Variants in GRID2 observed in about 807,000 individuals in gnomAD.
The protein encoded by GRID2 is glutamate ionotropic receptor delta type subunit 2, also known as glutamate receptor ionotropic, delta-2.
A neutral mutation model predicts 114.8 loss-of-function variants in GRID2; 33 were observed. The observed-to-expected ratio is 0.29, with a 90% confidence interval of 0.22 to 0.38. The LOEUF (loss-of-function observed/expected upper bound fraction) is 0.38. GRID2 is among the 10% of genes least tolerant of loss of function. GRID2 has a pLI of 1.00. For missense variants in GRID2, 1,184 were observed against 1,257.7 expected (o/e 0.94, Z 0.89); for synonymous variants, 505 against 449.9 (o/e 1.12, Z -1.55).
chr4:92,619,628 G>A (rs1730172027), intron 2 of GRID2, among the ~76,000 whole-genome samples: 1 of 151,592 alleles, frequency 6.6e-6, no homozygotes, highest in Admixed American at 6.6e-5. Context: ...ACCCCGGCAT[G>A]GAAGCTGTTG....
rs138239230 is a variant in GRID2 at position 93,632,551 on chromosome 4, G to A, written c.2360+6116G>A. On this transcript the variant is annotated intron_variant, in intron 14 of 15. Coordinates refer to ENST00000282020, the MANE Select transcript of GRID2 (RefSeq NM_001510.4). Reference sequence around the variant, plus strand: ...TAGATGTGTGGTATTATTTCTGAGCGCTCTGTTCTGTTCCATTGGTCTATA... The same window carrying A: ...TAGATGTGTGGTATTATTTCTGAGCACTCTGTTCTGTTCCATTGGTCTATA... Among the ~76,000 whole-genome samples, 1,161 of 152,146 alleles carry A rather than the reference G, an allele frequency of 7.6e-3. 18 individuals carry two copies. The highest frequency in any genetic ancestry group is 0.026 in the African/African-American group (1,093 of 41,536).
intron 1 of GRID2, among the ~76,000 whole-genome samples, chr4:92,574,305 T>C (rs1727777664): frequency 6.6e-6 from 1 of 152,140 alleles, no homozygotes; most frequent in Non-Finnish European, 1.5e-5. Context: ...TTAAGATTAG[T>C]ATTTTTATGT....
At chr4:92,615,490 A>G (rs1374297412) in intron 2 of GRID2, among the ~76,000 whole-genome samples, 1 of 151,636 alleles carries the variant, frequency 6.6e-6, no homozygotes, top group Non-Finnish European at 1.5e-5. Flanking sequence ...TCGTTATACC[A>G]TCCACCTATT....
In GRID2 at chr4:92,404,184, C is replaced by T. The variant is rs766945113; in HGVS notation, c.88+99440C>T. 4.7e-4 allele frequency among the ~76,000 whole-genome samples: 72 copies of T among 151,898 alleles called. 1 individual carries two copies. The highest frequency in any genetic ancestry group is 1.2e-4 in the Non-Finnish European group (8 of 67,996). On this transcript the variant is annotated intron_variant, in intron 1 of 15. Coordinates refer to ENST00000282020, the MANE Select transcript of GRID2 (RefSeq NM_001510.4). ...CTGCAAAGAGCAGTAAAGTTTAACA[C>T]AATAAATCTAGGTATGCCTATATTC...
chr4:92,836,723 G>C (rs536050599), intron 2 of GRID2, among the ~76,000 whole-genome samples: 1 of 151,784 alleles, frequency 6.6e-6, no homozygotes, highest in East Asian at 1.9e-4. Flanking sequence ...CAGAATTAAA[G>C]ACACACACAC....
intron 2 of GRID2, among the ~76,000 whole-genome samples, chr4:92,909,119 T>C (rs1217703355): frequency 6.6e-6 from 1 of 152,176 alleles, no homozygotes; most frequent in African/African-American, 2.4e-5. Flanking sequence ...TACCTTATCA[T>C]ATCTTTAAAA....
chr4:92,765,823 C>T (rs1216379908), intron 2 of GRID2, among the ~76,000 whole-genome samples: 1 of 152,194 alleles, frequency 6.6e-6, no homozygotes, highest in South Asian at 2.1e-4. Context: ...GCTGGTATCA[C>T]TTGTAGTGGA....
chr4:93,076,167 G>A (rs1465606599), intron 2 of GRID2, among the ~76,000 whole-genome samples: 1 of 152,038 alleles, frequency 6.6e-6, no homozygotes, highest in East Asian at 1.9e-4. Flanking sequence ...CAAAGTGCTG[G>A]GATTACAGGC....
chr4:93,066,566 G>A (rs1384623110), intron 2 of GRID2, among the ~76,000 whole-genome samples: 1 of 151,822 alleles, frequency 6.6e-6, no homozygotes, highest in Non-Finnish European at 1.5e-5. Flanking sequence ...TGAAACTATA[G>A]ATAATACTGT....
intron 8 of GRID2, among the ~76,000 whole-genome samples, chr4:93,328,113 G>A (rs1017395700): frequency 3.5e-5 from 5 of 142,480 alleles, no homozygotes; most frequent in African/African-American, 7.9e-5. Context: ...GCAAGACTCC[G>A]TCTCAAAAAC....
intron 2 of GRID2, among the ~76,000 whole-genome samples, chr4:92,773,213 A>G (rs1177955511): frequency 1.3e-5 from 2 of 152,206 alleles, no homozygotes; most frequent in African/African-American, 4.8e-5. Context: ...AACTGTGGCT[A>G]TTTAGCTACA....
At chr4:93,202,869 ATTCTAC>A (rs1168882465) in intron 4 of GRID2, among the ~76,000 whole-genome samples, 1 of 152,068 alleles carries the variant, frequency 6.6e-6, no homozygotes, top group Non-Finnish European at 1.5e-5. Flanking sequence ...ATTTCCTTTA[ATTCTAC>A]TTCTACTGGA....
At position 93,085,175 on chromosome 4, in the gene GRID2, A is replaced by G; in HGVS notation, c.425A>G (p.Tyr142Cys). Residue 142 changes from tyrosine (Y) to cysteine (C), a missense_variant, in exon 3 of 16, where the codon TAC becomes TGC. Tyr to Cys is a radical substitution (Grantham distance 194, BLOSUM62 -2). This residue lies in a region of GRID2 where 455 missense variants were observed against 429.5 expected (regional missense o/e 1.06). Coordinates refer to ENST00000282020, the MANE Select transcript of GRID2 (RefSeq NM_001510.4). ...ACCCGGAGCAACAGGAATGATGACTACACTCTCTCAGTTCGCCCACCTGTC... is the reference window on the plus strand; with the variant it reads ...ACCCGGAGCAACAGGAATGATGACTGCACTCTCTCAGTTCGCCCACCTGTC... Reference protein sequence around the residue: ...GLTRSNRNDDYTLSVRPPVYL... With the variant: ...GLTRSNRNDDCTLSVRPPVYL... 6.2e-7 allele frequency: 1 copy of G among 1,613,948 alleles called. No individual in the cohort carries two copies. The highest frequency in any genetic ancestry group is 8.5e-7 in the Non-Finnish European group (1 of 1,179,918).
At chr4:93,630,015 A>C (rs41385744) in intron 14 of GRID2, among the ~76,000 whole-genome samples, 27,626 of 152,156 alleles carry the variant, frequency 0.18, 2,825 homozygotes, top group Middle Eastern at 0.35. Context: ...GACATGGGTT[A>C]TATCAATACA....
intron 2 of GRID2, among the ~76,000 whole-genome samples, chr4:92,628,428 G>A (rs1021101074): frequency 2.0e-5 from 3 of 152,006 alleles, no homozygotes; most frequent in African/African-American, 7.3e-5. Flanking sequence ...GTGCGATCTC[G>A]GCTCACTACA....
At position 93,164,162 on chromosome 4, in the gene GRID2, A is replaced by G. The variant is rs372842643; in HGVS notation, c.736-43242A>G. ...GCGAAAAACCAAGCCCGGGGGGGGA[A>G]AAAAAAGGTAATTTAGAAAAGAAAA... is the stretch of plus-strand genomic sequence containing the variant. On this transcript the variant is annotated intron_variant, in intron 4 of 15. Coordinates refer to ENST00000282020, the MANE Select transcript of GRID2 (RefSeq NM_001510.4). Among the ~76,000 whole-genome samples, 6 of 151,174 alleles carry G rather than the reference A, an allele frequency of 4.0e-5. No homozygotes were observed. The South Asian group carries it at 6.3e-4, about 16-fold the overall frequency.
chr4:92,522,780 C>T (rs960301700), intron 1 of GRID2, among the ~76,000 whole-genome samples: 15 of 151,970 alleles, frequency 9.9e-5, no homozygotes, highest in African/African-American at 3.6e-4. Context: ...ATTGGCAAGG[C>T]AATGACAGGA....
chr4:93,554,056 T>C (rs1734058743), intron 13 of GRID2, among the ~76,000 whole-genome samples: 1 of 152,200 alleles, frequency 6.6e-6, no homozygotes, highest in South Asian at 2.1e-4. Flanking sequence ...ACCTAAGATA[T>C]CAACTCTGTT....
At chr4:93,416,912 C>G (rs1179838283) in intron 9 of GRID2, among the ~76,000 whole-genome samples, 1 of 152,086 alleles carries the variant, frequency 6.6e-6, no homozygotes, top group Non-Finnish European at 1.5e-5. Flanking sequence ...TGATAAACCA[C>G]AGACATTCTC....
Sources: gnomAD v4.1 joint callset for allele counts (sites outside exome capture counted in the v4.1 genomes callset) on GRCh38, gnomAD v4.1.1 for gene constraint, gnomAD v4.1.1 regional missense constraint, MANE v1.5 for transcripts, NCBI Gene and HGNC (gene_info 2026-07-23, HGNC 2026-07-21) for gene names.